Variants in ATP2B2 observed in about 807,000 individuals in gnomAD.
The protein encoded by ATP2B2 is plasma membrane calcium-transporting ATPase 2.
In ATP2B2, 15 loss-of-function variants were observed where a neutral mutation model predicts 120.0. That is an observed-to-expected ratio of 0.12 (90% CI 0.08 to 0.19). The LOEUF is 0.19. ATP2B2 is among the 10% of genes least tolerant of loss of function. The pLI is 1.00. For missense variants in ATP2B2, 1,045 were observed against 1,719.8 expected (o/e 0.61, Z 6.94); for synonymous variants, 694 against 700.3 (o/e 0.99, Z 0.14).
rs537165766 is a variant in ATP2B2, at chr3:10,396,959, C to T, written c.781+3994G>A. 9.8e-5 allele frequency among the ~76,000 whole-genome samples: 15 copies of T among 152,314 alleles called. 2 individuals are homozygous for T. In the South Asian group the frequency reaches 2.9e-3, roughly 29 times the overall value. On this transcript the variant is annotated intron_variant, in intron 5 of 22. Coordinates refer to ENST00000360273, the MANE Select transcript of ATP2B2 (RefSeq NM_001001331.4). Reference sequence around the variant, plus strand: ...CTCACCCAAGGAATGGGGAAGGGAACCAACTTATGTTGAGCCTCCCTGTGC... The same window carrying T: ...CTCACCCAAGGAATGGGGAAGGGAATCAACTTATGTTGAGCCTCCCTGTGC...
intron 12 of ATP2B2, among the ~76,000 whole-genome samples, chr3:10,361,635 T>C (rs553127481): frequency 6.6e-6 from 1 of 152,342 alleles, no homozygotes; most frequent in East Asian, 1.9e-4. Flanking sequence ...ACACGGGCTG[T>C]TTCATGCCTC....
intron 14 of ATP2B2, among the ~76,000 whole-genome samples, chr3:10,354,440 C>T (rs1283793845): frequency 6.6e-6 from 1 of 152,216 alleles, no homozygotes; most frequent in Non-Finnish European, 1.5e-5. Flanking sequence ...TGAGGGAAAG[C>T]AGCCAGGAAA....
intron 3 of ATP2B2, among the ~76,000 whole-genome samples, chr3:10,512,459 T>TGCGC (rs1427493421): frequency 1.4e-4 from 11 of 80,568 alleles, no homozygotes; most frequent in African/African-American, 8.6e-4. Flanking sequence ...TGCTAAAGTG[T>TGCGC]GTGCGCACAC....
chr3:10,622,696 C>T (rs1015663764), intron 1 of ATP2B2, among the ~76,000 whole-genome samples: 2 of 152,184 alleles, frequency 1.3e-5, no homozygotes, highest in African/African-American at 4.8e-5. Context: ...TTACAGTCAA[C>T]CAGCTGAGAT....
chr3:10,337,462 C>T (rs1396809928), intron 22 of ATP2B2, among the ~76,000 whole-genome samples: 1 of 152,152 alleles, frequency 6.6e-6, no homozygotes, highest in Middle Eastern at 3.2e-3. Context: ...AACACCTGCT[C>T]CAGGCATAAG....
At chr3:10,479,919 T>C (rs938131789) in intron 1 of ATP2B2, among the ~76,000 whole-genome samples, 1 of 152,130 alleles carries the variant, frequency 6.6e-6, no homozygotes, top group African/African-American at 2.4e-5. Flanking sequence ...GACAAAATCT[T>C]GTCTCTCAAT....
chr3:10,558,122 G>A (rs2125524739), intron 2 of ATP2B2, among the ~76,000 whole-genome samples: 1 of 152,332 alleles, frequency 6.6e-6, no homozygotes, highest in South Asian at 2.1e-4. Context: ...TGGGGCCTCT[G>A]CTGGCATTTA....
intron 1 of ATP2B2, among the ~76,000 whole-genome samples, chr3:10,660,002 A>G (rs139183546): frequency 0.023 from 3,518 of 152,234 alleles, 68 homozygotes; most frequent in South Asian, 0.089. Flanking sequence ...TGACTACTGG[A>G]TACATAACGA....
rs1433061173 is a variant in ATP2B2, at chr3:10,343,293, G to A, written c.2704-328C>T. ...AGCCCCCGAGGAGGGGGTCTCTCCT[G>A]GCTGAGGCCAAGACCATTCCCACCG... On this transcript the variant is annotated intron_variant, in intron 18 of 22. Coordinates refer to ENST00000360273, the MANE Select transcript of ATP2B2 (RefSeq NM_001001331.4). The surrounding 1 kb of genome is among the most constrained non-coding windows in gnomAD (Gnocchi z 4.2). Among the ~76,000 whole-genome samples, 1 of 151,374 alleles carries A rather than the reference G, an allele frequency of 6.6e-6. No individual in the cohort carries two copies. The highest frequency in any genetic ancestry group is 1.9e-4 in the East Asian group (1 of 5,142).
intron 2 of ATP2B2, among the ~76,000 whole-genome samples, chr3:10,590,630 T>C (rs966135730): frequency 6.6e-6 from 1 of 152,190 alleles, no homozygotes; most frequent in East Asian, 1.9e-4. Context: ...GCGTCGTTCT[T>C]AGTGGAAGAC....
intron 2 of ATP2B2, among the ~76,000 whole-genome samples, chr3:10,553,715 G>A (rs1223396430): frequency 6.6e-6 from 1 of 152,166 alleles, no homozygotes; most frequent in Non-Finnish European, 1.5e-5. Context: ...GCTCGGAGTG[G>A]GTGGAGCTTG....
At chr3:10,702,777 T>C (rs1212901868) in intron 1 of ATP2B2, among the ~76,000 whole-genome samples, 8 of 152,322 alleles carry the variant, frequency 5.3e-5, no homozygotes, top group Middle Eastern at 3.4e-3. Flanking sequence ...AGTGTCACAG[T>C]ATTTATAGCA....
intron 14 of ATP2B2, among the ~76,000 whole-genome samples, chr3:10,351,870 C>A (rs974621800): frequency 2.6e-5 from 4 of 152,198 alleles, no homozygotes; most frequent in Non-Finnish European, 5.9e-5. Flanking sequence ...GAGAGAGAGG[C>A]AGAGACAGCT....
chr3:10,626,393 AG>A (rs1559493620), intron 1 of ATP2B2: 1 of 152,264 alleles, frequency 6.6e-6, no homozygotes, highest in East Asian at 1.9e-4. Flanking sequence ...TGCTGCTGCC[AG>A]GGTCCTGGGG....
upstream of ATP2B2, among the ~76,000 whole-genome samples, chr3:10,508,534 A>G (rs1239044213): frequency 6.6e-6 from 1 of 152,180 alleles, no homozygotes; most frequent in Non-Finnish European, 1.5e-5. Context: ...CTCCTATCCA[A>G]TTCTCCCATT....
intron 1 of ATP2B2, among the ~76,000 whole-genome samples, chr3:10,642,526 T>C (rs1396399648): frequency 2.6e-5 from 4 of 152,262 alleles, no homozygotes; most frequent in African/African-American, 7.2e-5. Context: ...TGTGTACATG[T>C]ACACCCACAC....
At chr3:10,661,271 TA>T (rs2070772896) in intron 1 of ATP2B2, among the ~76,000 whole-genome samples, 1 of 151,900 alleles carries the variant, frequency 6.6e-6, no homozygotes. Flanking sequence ...GAGAAAGAAA[TA>T]AAGGGTATTC....
At chr3:10,649,128 GAA>G (rs2070390413) in intron 1 of ATP2B2, among the ~76,000 whole-genome samples, 1 of 152,148 alleles carries the variant, frequency 6.6e-6, no homozygotes, top group Non-Finnish European at 1.5e-5. Context: ...TAGCTGGTCT[GAA>G]ACTCCTGATT....
intron 1 of ATP2B2, among the ~76,000 whole-genome samples, chr3:10,473,384 C>A (rs2065085498): frequency 1.3e-5 from 2 of 152,248 alleles, no homozygotes; most frequent in Non-Finnish European, 1.5e-5. Flanking sequence ...GTAATCCCAG[C>A]ACTTTGGGAG....
Sources: allele counts gnomAD v4.1 joint callset (sites outside exome capture counted in the v4.1 genomes callset), GRCh38; gene constraint gnomAD v4.1.1; non-coding constraint Gnocchi (gnomAD v3.1); transcripts MANE v1.5; gene names NCBI Gene and HGNC (gene_info 2026-07-23, HGNC 2026-07-21).